BRINP3: variants seen among roughly 807,000 people sequenced by gnomAD.
The protein encoded by BRINP3 is BMP/retinoic acid inducible neural specific 3, also known as BMP/retinoic acid-inducible neural-specific protein 3.
A neutral mutation model predicts 71.0 loss-of-function variants in BRINP3; 19 were observed. The observed-to-expected ratio is 0.27, with a 90% CI of 0.19 to 0.39. The LOEUF (loss-of-function observed/expected upper bound fraction) is 0.39, where lower values mean the gene tolerates loss of function less well. Among genes scored for constraint, BRINP3 ranks in the 10% least tolerant of loss-of-function variants. The pLI is 1.00. For synonymous variants in BRINP3, 380 were observed against 337.7 expected, an observed-to-expected ratio of 1.13 and a Z score of -1.37; for missense variants, 959 against 940.8, an observed-to-expected ratio of 1.02 and a Z score of -0.25.
At chr1:190,472,349 T>C (rs1034475448) in intron 1 of BRINP3, among the ~76,000 whole-genome samples, 1 of 151,512 alleles carries the variant, frequency 6.6e-6, no homozygotes, top group Non-Finnish European at 1.5e-5. Flanking sequence ...TTTATTACGA[T>C]GTGAAAGAAA....
chr1:190,411,778 A>T (rs1672678718), intron 2 of BRINP3, among the ~76,000 whole-genome samples: 1 of 152,254 alleles, frequency 6.6e-6, no homozygotes. Context: ...TGATAAATAT[A>T]AAAACACATT....
intron 6 of BRINP3, among the ~76,000 whole-genome samples, chr1:190,178,079 T>G (rs940499833): frequency 6.6e-6 from 1 of 152,208 alleles, no homozygotes; most frequent in Admixed American, 6.5e-5. Flanking sequence ...TAAGCATCCA[T>G]GTATTTTGGT....
At chr1:190,433,210 T>C (rs1293439328) in intron 2 of BRINP3, among the ~76,000 whole-genome samples, 1 of 152,180 alleles carries the variant, frequency 6.6e-6, no homozygotes, top group African/African-American at 2.4e-5. Flanking sequence ...CTTTCTGCTA[T>C]TATTTGCTCT....
intron 3 of BRINP3, among the ~76,000 whole-genome samples, chr1:190,278,496 G>C (rs1662789080): frequency 6.6e-6 from 1 of 151,538 alleles, no homozygotes; most frequent in Non-Finnish European, 1.5e-5. Flanking sequence ...TTTTAAAATT[G>C]CCAAAATCAT....
At chr1:190,381,241 A>G (rs1039154845) in intron 2 of BRINP3, among the ~76,000 whole-genome samples, 3 of 152,030 alleles carry the variant, frequency 2.0e-5, no homozygotes, top group African/African-American at 4.8e-5. Flanking sequence ...CTATGTCAAT[A>G]TTTTGCTTCC....
intron 2 of BRINP3, among the ~76,000 whole-genome samples, chr1:190,351,602 T>A (rs1668389266): frequency 6.6e-6 from 1 of 152,100 alleles, no homozygotes; most frequent in Admixed American, 6.6e-5. Flanking sequence ...TTTGACCTGC[T>A]GAAAATACAA....
At chr1:190,465,755 C>T (rs1239189070) in intron 1 of BRINP3, among the ~76,000 whole-genome samples, 1 of 151,784 alleles carries the variant, frequency 6.6e-6, no homozygotes, top group Non-Finnish European at 1.5e-5. Context: ...AGTAGCCCAC[C>T]TTGAATAAGG....
chr1:190,124,479 G>A (rs1166305011), intron 7 of BRINP3, among the ~76,000 whole-genome samples: 3 of 152,044 alleles, frequency 2.0e-5, no homozygotes, highest in African/African-American at 7.2e-5. Context: ...AATAACTTAT[G>A]TTTTTATTCT....
Position 190,097,990 on chromosome 1 carries a change from G to A in BRINP3, c.*28C>T. 1.3e-6 allele frequency: 2 copies of A among 1,567,490 alleles called. No individual in the cohort carries two copies. Among genetic ancestry groups the A allele is most frequent in the Non-Finnish European group, 1.7e-6 (2 of 1,159,554 alleles). ...AAAAGCACTGTAAAAACTCCTTCAA[G>A]ATTTTGGGTTGTGCTTGACATTTAT... On this transcript the variant is annotated 3_prime_UTR_variant, in exon 8 of 8. Transcript: ENST00000367462.
chr1:190,261,388 CAATT>C (rs1279317154), intron 4 of BRINP3, among the ~76,000 whole-genome samples: 5 of 150,840 alleles, frequency 3.3e-5, no homozygotes, highest in Admixed American at 1.3e-4. Flanking sequence ...AAGAGTATAG[CAATT>C]AATTAAGCTA....
intron 4 of BRINP3, among the ~76,000 whole-genome samples, chr1:190,260,667 T>A (rs2102858590): frequency 6.6e-6 from 1 of 152,188 alleles, no homozygotes; most frequent in East Asian, 1.9e-4. Flanking sequence ...AGTATTGTCA[T>A]GTTTAATTTC....
intron 2 of BRINP3, among the ~76,000 whole-genome samples, chr1:190,414,091 T>G (rs1672860306): frequency 6.6e-6 from 1 of 152,182 alleles, no homozygotes; most frequent in Non-Finnish European, 1.5e-5. Flanking sequence ...TGGCCTGATT[T>G]ATTTTAATCT....
intron 6 of BRINP3, among the ~76,000 whole-genome samples, chr1:190,200,869 C>T (rs1190441267): frequency 1.3e-5 from 2 of 152,076 alleles, no homozygotes; most frequent in African/African-American, 4.8e-5. Flanking sequence ...GGCCTCCCAA[C>T]CCAGGTGGAC....
chr1:190,345,306 A>G (rs554823258), intron 2 of BRINP3, among the ~76,000 whole-genome samples: 10 of 151,768 alleles, frequency 6.6e-5, no homozygotes, highest in Non-Finnish European at 1.5e-5. Flanking sequence ...ATTACTTAAA[A>G]TTAAAAAAAA....
intron 2 of BRINP3, among the ~76,000 whole-genome samples, chr1:190,363,425 A>G (rs183609655): frequency 6.6e-6 from 1 of 152,308 alleles, no homozygotes; most frequent in Admixed American, 6.5e-5. Flanking sequence ...GTAGACGACA[A>G]TAGAAACTGA....
At chr1:190,439,879 T>C (rs1674703565) in intron 2 of BRINP3, among the ~76,000 whole-genome samples, 1 of 152,006 alleles carries the variant, frequency 6.6e-6, no homozygotes, top group Non-Finnish European at 1.5e-5. Flanking sequence ...TGGGCAAGTT[T>C]TTTTAATTCT....
At chr1:190,197,131 TG>T (rs1437619949) in intron 6 of BRINP3, among the ~76,000 whole-genome samples, 4 of 152,010 alleles carry the variant, frequency 2.6e-5, no homozygotes, top group African/African-American at 9.6e-5. Flanking sequence ...GCATTTTAAA[TG>T]GTGGCAGGCA....
intron 2 of BRINP3, among the ~76,000 whole-genome samples, chr1:190,336,593 T>C (rs1261212228): frequency 1.3e-5 from 2 of 152,032 alleles, no homozygotes; most frequent in African/African-American, 4.8e-5. Context: ...TATCACTATG[T>C]ATGTTATTTA....
At chr1:190,293,993 T>C (rs1664062421) in intron 2 of BRINP3, among the ~76,000 whole-genome samples, 1 of 152,054 alleles carries the variant, frequency 6.6e-6, no homozygotes, top group African/African-American at 2.4e-5. Context: ...AGCCACAAAA[T>C]TTTAATTGGA....
Sources: gnomAD v4.1 joint callset for allele counts (sites outside exome capture counted in the v4.1 genomes callset) on GRCh38, gnomAD v4.1.1 for gene constraint, MANE v1.5 for transcripts, NCBI Gene and HGNC (gene_info 2026-07-23, HGNC 2026-07-21) for gene names.